Variants in CDK14 observed in about 807,000 individuals in gnomAD.
CDK14 encodes cyclin dependent kinase 14, also known as cyclin-dependent kinase 14.
A neutral mutation model predicts 60.7 loss-of-function variants in CDK14; 34 were observed. The ratio of observed to expected loss-of-function variants is 0.56; its 90% CI spans 0.43 to 0.75. The LOEUF (loss-of-function observed/expected upper bound fraction) is 0.75, where lower values mean the gene tolerates loss of function less well. CDK14 is among the 30% of genes least tolerant of loss of function. The probability of loss-of-function intolerance (pLI) is 0.00; values close to 1 mark genes in which losing one functional copy is unlikely to be tolerated. For missense variants in CDK14, 482 were observed against 564.1 expected (o/e 0.85, Z 1.47); for synonymous variants, 197 against 203.7 (o/e 0.97, Z 0.28).
At chr7:91,123,728 C>T (rs1221353338) in intron 14 of CDK14, among the ~76,000 whole-genome samples, 4 of 152,058 alleles carry the variant, frequency 2.6e-5, no homozygotes, top group African/African-American at 7.2e-5. Context: ...CTCTCCACCC[C>T]TTCTTTTCTT....
intron 9 of CDK14, among the ~76,000 whole-genome samples, chr7:90,983,651 G>A (rs1416286039): frequency 6.7e-6 from 1 of 149,658 alleles, no homozygotes; most frequent in Middle Eastern, 3.2e-3. Context: ...CTGCACTCCA[G>A]CCTGGGGGAC....
chr7:90,854,805 A>C (rs1351480304), intron 5 of CDK14, among the ~76,000 whole-genome samples: 3 of 152,178 alleles, frequency 2.0e-5, no homozygotes, highest in Non-Finnish European at 4.4e-5. Context: ...TAAAAAATAA[A>C]AAACCTGTTA....
intron 14 of CDK14, among the ~76,000 whole-genome samples, chr7:91,129,253 T>C (rs1047330290): frequency 6.6e-6 from 1 of 152,226 alleles, no homozygotes; most frequent in African/African-American, 2.4e-5. Flanking sequence ...GTAAAACTGC[T>C]GGCTCCTTAG....
chr7:91,083,774 G>A (rs1396359327), intron 12 of CDK14, among the ~76,000 whole-genome samples: 2 of 152,082 alleles, frequency 1.3e-5, no homozygotes, highest in African/African-American at 4.8e-5. Context: ...AGAGAGCCTT[G>A]GAAAAGACAA....
intron 6 of CDK14, among the ~76,000 whole-genome samples, chr7:90,895,165 C>A (rs75532778): frequency 0.075 from 11,348 of 151,990 alleles, 523 homozygotes; most frequent in Middle Eastern, 0.13. Flanking sequence ...TTAGTTATAG[C>A]CCTTCCTATG....
intron 2 of CDK14, among the ~76,000 whole-genome samples, chr7:90,642,433 T>G (rs1258488926): frequency 2.0e-5 from 3 of 152,260 alleles, no homozygotes; most frequent in African/African-American, 7.2e-5. Context: ...GTTTTAAATA[T>G]GAATTTCTAT....
intron 13 of CDK14, among the ~76,000 whole-genome samples, chr7:91,115,901 T>C (rs1217754899): frequency 6.6e-6 from 1 of 152,202 alleles, no homozygotes; most frequent in Non-Finnish European, 1.5e-5. Context: ...TACCAAAATT[T>C]AGAGGTAATG....
intron 5 of CDK14, among the ~76,000 whole-genome samples, chr7:90,795,777 G>A (rs1056556582): frequency 4.6e-5 from 7 of 152,152 alleles, no homozygotes; most frequent in Non-Finnish European, 8.8e-5. Context: ...TGGCCAGCAG[G>A]CAGGATTCCT....
At chr7:90,692,469 T>A (rs1044038674) in intron 2 of CDK14, among the ~76,000 whole-genome samples, 1 of 152,322 alleles carries the variant, frequency 6.6e-6, no homozygotes, top group African/African-American at 2.4e-5. Flanking sequence ...TAGGAGTTTT[T>A]AATTTTTATA....
intron 5 of CDK14, among the ~76,000 whole-genome samples, chr7:90,854,871 G>A (rs915590212): frequency 9.9e-5 from 15 of 152,264 alleles, no homozygotes; most frequent in African/African-American, 3.4e-4. Context: ...CCTGAAGACA[G>A]TACCTGGATT....
chr7:90,857,287 G>T (rs1445850129), intron 5 of CDK14, among the ~76,000 whole-genome samples: 1 of 152,160 alleles, frequency 6.6e-6, no homozygotes, highest in Non-Finnish European at 1.5e-5. Context: ...GGGATGCCAA[G>T]GTTTGAGTAT....
At chr7:90,982,001 G>A (rs536841722) in intron 9 of CDK14, among the ~76,000 whole-genome samples, 4 of 152,066 alleles carry the variant, frequency 2.6e-5, no homozygotes, top group South Asian at 2.1e-4. Context: ...CCAGAGTCCC[G>A]GCAGAAGTAT....
chr7:90,670,836 C>G (rs1385322182), intron 2 of CDK14, among the ~76,000 whole-genome samples: 1 of 152,178 alleles, frequency 6.6e-6, no homozygotes, highest in Non-Finnish European at 1.5e-5. Context: ...ATATCCAAAT[C>G]ATATCATTCT....
rs546652374 is a variant in CDK14 at position 90,689,785 on chromosome 7, G to A, written c.124-36782G>A. Among the ~76,000 whole-genome samples, 150 of 152,256 alleles carry A rather than the reference G, an allele frequency of 9.9e-4. 1 individual carries two copies. Among genetic ancestry groups the A allele is most frequent in the Middle Eastern group, 3.4e-3 (1 of 294 alleles). On this transcript the variant is annotated intron_variant, in intron 2 of 14. Transcript: ENST00000380050. ...ACCTCAAAATAGCATTTGAAAAAATGTATGGAACTTAAATACTTTGAAGAC... is the reference window on the plus strand; with the variant it reads ...ACCTCAAAATAGCATTTGAAAAAATATATGGAACTTAAATACTTTGAAGAC...
intron 14 of CDK14, among the ~76,000 whole-genome samples, chr7:91,119,061 A>G (rs181010443): frequency 6.6e-6 from 1 of 150,534 alleles, no homozygotes; most frequent in South Asian, 2.1e-4. Context: ...ACATACATAT[A>G]TATACATATA....
chr7:91,199,355 C>A (rs924755851), intron 14 of CDK14, among the ~76,000 whole-genome samples: 1 of 151,822 alleles, frequency 6.6e-6, no homozygotes, highest in Non-Finnish European at 1.5e-5. Context: ...ATTAAACATG[C>A]CTTGGTGTAT....
intron 11 of CDK14, among the ~76,000 whole-genome samples, chr7:91,054,088 A>ATTTTT (rs10675646): frequency 0.044 from 4,954 of 112,852 alleles, 239 homozygotes; most frequent in African/African-American, 0.083. Context: ...CTGCAAAATA[A>ATTTTT]TTTTTTTTTT....
intron 14 of CDK14, among the ~76,000 whole-genome samples, chr7:91,205,685 A>G (rs888707672): frequency 5.3e-5 from 8 of 152,242 alleles, no homozygotes; most frequent in African/African-American, 1.9e-4. Flanking sequence ...TTAATTTTTT[A>G]TATAAATTTT....
chr7:90,894,998 C>G (rs79568117), intron 6 of CDK14, among the ~76,000 whole-genome samples: 4,250 of 151,990 alleles, frequency 0.028, 200 homozygotes, highest in East Asian at 0.18. Context: ...TGTTTTAGTT[C>G]CCTCCATCCC....
Sources: allele counts gnomAD v4.1 joint callset (sites outside exome capture counted in the v4.1 genomes callset), GRCh38; gene constraint gnomAD v4.1.1; transcripts MANE v1.5; gene names NCBI Gene and HGNC (gene_info 2026-07-23, HGNC 2026-07-21).